The following DMD variants were observed in gnomAD, a reference collection of about 807,000 sequenced individuals.
DMD encodes the protein mutant dystrophin.
In DMD, 63 loss-of-function variants were observed where a neutral mutation model predicts 330.1. That is an observed-to-expected ratio of 0.19 (90% CI 0.16 to 0.24). The LOEUF is 0.24. DMD is among the 10% of genes least tolerant of loss of function. The pLI is 1.00. For missense variants in DMD, 3,344 were observed against 2,684.1 expected, an observed-to-expected ratio of 1.25 and a Z score of -5.43; for synonymous variants, 1,223 against 959.8, an observed-to-expected ratio of 1.27 and a Z score of -5.07.
intron 9 of DMD, among the ~76,000 whole-genome samples, chrX:32,688,532 G>T (rs749428878): frequency 1.3e-4 from 15 of 112,208 alleles, no homozygotes; most frequent in Admixed American, 9.4e-5. Context: ...TGCCTGTTGT[G>T]TAAGAAGGTG....
At chrX:33,208,957 C>G (rs926490642) in intron 1 of DMD, among the ~76,000 whole-genome samples, 1 of 110,906 alleles carries the variant, frequency 9.0e-6, no homozygotes, top group Non-Finnish European at 1.9e-5. Context: ...TTAAACTACA[C>G]AAGTGGTTAA....
At position 31,391,861 on chromosome X, in the gene DMD, G is replaced by T. The variant is rs182976944; in HGVS notation, c.9085-43227C>A. ...ACTCCAGCCTGGGGGAGAGAGTGAG[G>T]CTCCATCTCAAAAACAAAAAACAAA... On this transcript the variant is annotated intron_variant, in intron 60 of 78. Coordinates refer to ENST00000357033, the MANE Select transcript of DMD (RefSeq NM_004006.3). Among the ~76,000 whole-genome samples the T allele has an allele frequency of 1.9e-3, 214 of 109,792 alleles. 1 individual carries two copies. The highest frequency in any genetic ancestry group is 6.8e-3 in the African/African-American group (204 of 30,149).
At chrX:32,263,225 G>C (rs183830679) in intron 43 of DMD, among the ~76,000 whole-genome samples, 363 of 111,991 alleles carry the variant, frequency 3.2e-3, no homozygotes, top group Non-Finnish European at 5.1e-3. Context: ...TCAACTTACT[G>C]CTAGATTTCA....
chrX:31,238,353 T>G (rs2047933414), intron 63 of DMD, among the ~76,000 whole-genome samples: 1 of 112,035 alleles, frequency 8.9e-6, no homozygotes, highest in South Asian at 3.8e-4. Context: ...CTCCTCAGAA[T>G]CCTGGACAAA....
intron 43 of DMD, among the ~76,000 whole-genome samples, chrX:32,268,666 C>T (rs1458618519): frequency 8.9e-6 from 1 of 111,934 alleles, no homozygotes; most frequent in Non-Finnish European, 1.9e-5. Flanking sequence ...CTGAGACACT[C>T]ATAATGCAAG....
At chrX:33,008,991 CGT>C (rs1194112572) in intron 2 of DMD, among the ~76,000 whole-genome samples, 10 of 91,688 alleles carry the variant, frequency 1.1e-4, no homozygotes, top group African/African-American at 2.3e-4. Flanking sequence ...TGTATATATA[CGT>C]GTGTATATAT....
chrX:32,253,255 CT>C (rs933736666), intron 43 of DMD, among the ~76,000 whole-genome samples: 5 of 110,071 alleles, frequency 4.5e-5, no homozygotes, highest in Non-Finnish European at 9.5e-5. Flanking sequence ...TTATGACTGT[CT>C]TTAACCCTAT....
chrX:33,179,550 C>T (rs979365186), intron 1 of DMD, among the ~76,000 whole-genome samples: 2 of 108,745 alleles, frequency 1.8e-5, no homozygotes, highest in Non-Finnish European at 3.8e-5. Flanking sequence ...AAAAATTAGC[C>T]GGGCGTGGTG....
intron 56 of DMD, among the ~76,000 whole-genome samples, chrX:31,500,601 C>A (rs2070337058): frequency 8.9e-6 from 1 of 111,982 alleles, no homozygotes; most frequent in Non-Finnish European, 1.9e-5. Flanking sequence ...AGTGTATATA[C>A]CAGATATTTT....
At chrX:32,587,507 T>G (rs5927085) in intron 13 of DMD, among the ~76,000 whole-genome samples, 3 of 111,843 alleles carry the variant, frequency 2.7e-5, no homozygotes, top group East Asian at 5.6e-4. Flanking sequence ...TTTTTTCTTA[T>G]GAAAGTAATT....
At position 32,184,832 on chromosome X, in the gene DMD, CTTTTTTTTTT is replaced by C. The variant is rs78157427; in HGVS notation, c.6438+32074_6438+32083del. On this transcript the variant is annotated intron_variant, in intron 44 of 78. Transcript: ENST00000357033. ...AGCCTGAGGTCTTGACTACAGATGT[CTTTTTTTTTT>C]TTTTTTTTTTTTCAGGCAATTCAGT... is the stretch of plus-strand genomic sequence containing the variant. Among the ~76,000 whole-genome samples, 545 of 60,672 alleles carry C rather than the reference CTTTTTTTTTT, an allele frequency of 9.0e-3. 3 individuals are homozygous for C. The highest frequency in any genetic ancestry group is 0.017 in the Admixed American group (79 of 4,694). The allele number at this position is 60,672 out of a possible 115,157, so 52.7% of individuals were successfully genotyped here.
At chrX:32,936,808 G>T (rs745390817) in intron 2 of DMD, among the ~76,000 whole-genome samples, 1 of 111,697 alleles carries the variant, frequency 9.0e-6, no homozygotes, top group Non-Finnish European at 1.9e-5. Flanking sequence ...CCCAATTTCT[G>T]GTGGGATAAA....
chrX:32,525,624 G>C (rs16998320), intron 17 of DMD, among the ~76,000 whole-genome samples: 8,563 of 110,841 alleles, frequency 0.077, 683 homozygotes, highest in African/African-American at 0.24. Flanking sequence ...GTGGTTTGTC[G>C]TGTAGTTTTC....
chrX:31,198,023 T>A (rs866938071), intron 67 of DMD, among the ~76,000 whole-genome samples: 68 of 64,781 alleles, frequency 1.0e-3, no homozygotes, highest in Admixed American at 1.5e-3. Context: ...GTGTGGGAGC[T>A]AAAAAAAAAA....
At chrX:32,058,551 T>G (rs185040760) in intron 44 of DMD, among the ~76,000 whole-genome samples, 1 of 99,666 alleles carries the variant, frequency 1.0e-5, no homozygotes, top group Non-Finnish European at 2.0e-5. Context: ...CCTCACGGAT[T>G]AGGATAACCA....
chrX:32,351,168 A>T (rs1220024290), intron 37 of DMD, among the ~76,000 whole-genome samples: 3 of 110,935 alleles, frequency 2.7e-5, no homozygotes, highest in African/African-American at 9.8e-5. Flanking sequence ...CTATGTGTCC[A>T]TCCAATATAA....
At chrX:32,201,351 G>C (rs981344217) in intron 44 of DMD, among the ~76,000 whole-genome samples, 2 of 110,454 alleles carry the variant, frequency 1.8e-5, no homozygotes, top group African/African-American at 6.6e-5. Flanking sequence ...TGAAACTGGG[G>C]AAAGCAAAAC....
intron 56 of DMD, among the ~76,000 whole-genome samples, chrX:31,505,916 G>C (rs919724529): frequency 7.2e-5 from 8 of 111,553 alleles, no homozygotes; most frequent in African/African-American, 2.3e-4. Flanking sequence ...ACAGGCGTGA[G>C]CCACTACGCC....
In DMD at chrX:32,967,723, T is replaced by C. The variant is rs149599267; in HGVS notation, c.93+52416A>G. Among the ~76,000 whole-genome samples, 337 of 111,904 alleles carry C rather than the reference T, an allele frequency of 3.0e-3. 1 individual carries two copies. The highest frequency in any genetic ancestry group is 4.2e-3 in the Non-Finnish European group (222 of 53,197). On this transcript the variant is annotated intron_variant, in intron 2 of 78. Coordinates refer to ENST00000357033, the MANE Select transcript of DMD (RefSeq NM_004006.3). Reference sequence around the variant, plus strand: ...CTTATAGTGTAGACTATAGCTGTTCTTGCTTTTTTGTACCAAATGACTCAT... The same window carrying C: ...CTTATAGTGTAGACTATAGCTGTTCCTGCTTTTTTGTACCAAATGACTCAT...
Sources: allele counts gnomAD v4.1 joint callset (sites outside exome capture counted in the v4.1 genomes callset), GRCh38; gene constraint gnomAD v4.1.1; transcripts MANE v1.5; gene names NCBI Gene and HGNC (gene_info 2026-07-23, HGNC 2026-07-21).